Variants in RNF149 observed in about 807,000 individuals in gnomAD.
RNF149 encodes ring finger protein 149.
RNF149 carries 21 observed loss-of-function variants against 39.0 expected under a neutral mutation model. That is an observed-to-expected ratio of 0.54 (90% CI 0.38 to 0.77). The LOEUF (loss-of-function observed/expected upper bound fraction) is 0.77, where lower values mean the gene tolerates loss of function less well. Ranked by LOEUF, RNF149 falls within the 30% of genes least tolerant of loss-of-function variation. The probability of loss-of-function intolerance (pLI) is 0.00; values close to 1 mark genes in which losing one functional copy is unlikely to be tolerated. For missense variants in RNF149, 493 were observed against 534.9 expected (o/e 0.92, Z 0.77); for synonymous variants, 209 against 213.6 (o/e 0.98, Z 0.19).
At chr2:101,288,799 A>T in intron 4 of RNF149, 174 bp downstream of exon 4, 1 of 543,014 alleles carries the variant, frequency 1.8e-6, no homozygotes, top group Non-Finnish European at 3.3e-6. Context: ...TAGGCAAAGC[A>T]ATCTTAAAGG....
In RNF149 at chr2:101,276,710, CACATACACT is replaced by C; in HGVS notation, c.*519_*527del. ...AAGTGCTCTCAGGTTTTGAAATCTTCACATACACTACAGATGGGCAAAAAAGCTACAGAC... is the reference window on the plus strand; with the variant it reads ...AAGTGCTCTCAGGTTTTGAAATCTTCACAGATGGGCAAAAAAGCTACAGAC... On this transcript the variant is annotated 3_prime_UTR_variant, in exon 7 of 7. Coordinates refer to ENST00000295317, the MANE Select transcript of RNF149 (RefSeq NM_173647.4). The C allele has an allele frequency of 2.7e-5, 27 of 985,644 alleles. No homozygotes were observed. The highest frequency in any genetic ancestry group is 3.3e-5 in the Non-Finnish European group (27 of 830,152). The allele number at this position is 985,644 out of a possible 1,614,324, so 61.1% of individuals were successfully genotyped here.
Position 101,308,155 on chromosome 2 carries a change from T to C in RNF149, c.434A>G (p.Asn145Ser). The C allele has an allele frequency of 6.2e-7, 1 of 1,609,944 alleles. No homozygotes were observed. The highest frequency in any genetic ancestry group is 8.5e-7 in the Non-Finnish European group (1 of 1,179,194). Residue 145 changes from asparagine to serine, a missense_variant, in exon 1 of 7, where the codon AAC (asparagine) becomes AGC (serine). Asn to Ser is a conservative substitution (Grantham distance 46, BLOSUM62 1). Transcript: ENST00000295317. ...VVLYNEERYGNITLPMSHAGT... is the reference protein window; with the variant it reads ...VVLYNEERYGSITLPMSHAGT... ...CGCGTGAGACATGGGCAAGGTGATG[T>C]TCCCGTAGCGCTCCTCATTGTAGAG...
chr2:101,290,322 A>G (rs1284030225), intron 3 of RNF149, among the ~76,000 whole-genome samples: 1 of 152,244 alleles, frequency 6.6e-6, no homozygotes, highest in Non-Finnish European at 1.5e-5. Flanking sequence ...AAGTTTATCC[A>G]TTACTGTGAA....
chr2:101,275,122 T>TG (rs1682284983), downstream of RNF149, among the ~76,000 whole-genome samples: 1 of 123,736 alleles, frequency 8.1e-6, no homozygotes, highest in South Asian at 2.8e-4. Flanking sequence ...TTTTTTTTTT[T>TG]TTTTTTTTTT....
chr2:101,295,188 G>A lies in RNF149; in HGVS notation c.461-7C>T. ...ACCACTATATTTCCTGTTCCTGTAG[G>A]AAAGAACAAAGAAATCAATGTGAAG... On this transcript the variant is annotated splice_polypyrimidine_tract_variant and splice_region_variant and intron_variant, in intron 1 of 6. Coordinates refer to ENST00000295317, the MANE Select transcript of RNF149 (RefSeq NM_173647.4). The A allele has an allele frequency of 1.2e-6, 2 of 1,609,550 alleles. No individual in the cohort carries two copies. Among genetic ancestry groups the A allele is most frequent in the Non-Finnish European group, 1.7e-6 (2 of 1,176,592 alleles).
At chr2:101,293,952 A>G in intron 3 of RNF149, 62 bp downstream of exon 3, 1 of 929,060 alleles carries the variant, frequency 1.1e-6, no homozygotes. Context: ...TTTAAAATAA[A>G]CACGTACAGC....
At chr2:101,299,684 G>T (rs1683378000) in intron 1 of RNF149, among the ~76,000 whole-genome samples, 1 of 152,168 alleles carries the variant, frequency 6.6e-6, no homozygotes, top group South Asian at 2.1e-4. Flanking sequence ...ACTAAACTAT[G>T]CTATGATGAC....
downstream of RNF149, chr2:101,272,893 C>G (rs555412227): frequency 8.0e-7 from 1 of 1,252,798 alleles, no homozygotes; most frequent in Non-Finnish European, 1.1e-6. Flanking sequence ...CTTTGGGATG[C>G]CTTTCTTGAC....
intron 6 of RNF149, among the ~76,000 whole-genome samples, chr2:101,278,162 T>C (rs1465093914): frequency 1.3e-5 from 2 of 152,214 alleles, no homozygotes; most frequent in Non-Finnish European, 2.9e-5. Flanking sequence ...CTTTTCTTTT[T>C]TGATATAGGG....
At chr2:101,297,532 A>AT (rs996259233) in intron 1 of RNF149, among the ~76,000 whole-genome samples, 35 of 125,356 alleles carry the variant, frequency 2.8e-4, no homozygotes, top group East Asian at 5.5e-4. Flanking sequence ...AATTTTTTTC[A>AT]TTTTTTTTTA....
intron 4 of RNF149, 29 bp downstream of exon 4, chr2:101,288,944 T>C (rs769638697): frequency 8.6e-7 from 1 of 1,157,552 alleles, no homozygotes; most frequent in South Asian, 1.3e-5. Context: ...AAGTAATTTT[T>C]AACATCTCAA....
At chr2:101,297,425 T>C (rs750102753) in intron 1 of RNF149, among the ~76,000 whole-genome samples, 1 of 152,142 alleles carries the variant, frequency 6.6e-6, no homozygotes, top group Non-Finnish European at 1.5e-5. Context: ...GGTGGGATCC[T>C]AGCTCAATGA....
chr2:101,305,650 T>C (rs959371538), intron 1 of RNF149, among the ~76,000 whole-genome samples: 2 of 151,870 alleles, frequency 1.3e-5, no homozygotes, highest in African/African-American at 4.8e-5. Context: ...ATATCCTAAA[T>C]GCACAGGGCA....
intron 3 of RNF149, among the ~76,000 whole-genome samples, chr2:101,292,972 CTTT>C (rs34103366): frequency 1.5e-4 from 19 of 130,506 alleles, no homozygotes; most frequent in Admixed American, 2.3e-4. Context: ...GAGATGTGAT[CTTT>C]TTTTTTTTTT....
intron 1 of RNF149, among the ~76,000 whole-genome samples, chr2:101,298,683 A>G (rs1683333941): frequency 6.6e-6 from 1 of 152,058 alleles, no homozygotes. Context: ...ACAAAAAACA[A>G]CGAAAACCCA....
Position 101,282,015 on chromosome 2 carries a change from G to A in RNF149, c.1003C>T (p.Pro335Ser), listed in dbSNP as rs1682612066. 9 of 1,614,030 alleles carry A rather than the reference G, an allele frequency of 5.6e-6. No homozygotes were observed. The highest frequency in any genetic ancestry group is 2.2e-5 in the East Asian group (1 of 44,874). Residue 335 changes from proline (P) to serine (S), a missense_variant, in exon 6 of 7, where the codon CCT (proline) becomes TCT (serine). Transcript: ENST00000295317. Reference sequence around the variant, plus strand: ...TTTGCAGCTGGATCCCTTCCAGGAGGAGATTCTGGAGCAGGCATCTCCTGT... The same window carrying A: ...TTTGCAGCTGGATCCCTTCCAGGAGAAGATTCTGGAGCAGGCATCTCCTGT... ...DVQEMPAPES[P>S]PGRDPAANLS...
At chr2:101,281,459 T>C (rs1558778335) in intron 6 of RNF149, 1 of 162,128 alleles carries the variant, frequency 6.2e-6, no homozygotes, top group Non-Finnish European at 1.4e-5. Flanking sequence ...TGTATTTCTT[T>C]ATTTTCTTTC....
chr2:101,271,613 A>T (rs1008606166), downstream of RNF149: 1 of 152,102 alleles, frequency 6.6e-6, no homozygotes, highest in African/African-American at 2.4e-5. Context: ...AAAAAAAAAA[A>T]AAAAATTGAG....
intron 6 of RNF149, among the ~76,000 whole-genome samples, chr2:101,278,799 T>C (rs1373209490): frequency 6.6e-6 from 1 of 152,184 alleles, no homozygotes; most frequent in Non-Finnish European, 1.5e-5. Flanking sequence ...TACCTTTTGA[T>C]CAATCTCTCC....
Sources: allele counts gnomAD v4.1 joint callset (sites outside exome capture counted in the v4.1 genomes callset), GRCh38; gene constraint gnomAD v4.1.1; transcripts MANE v1.5; gene names NCBI Gene and HGNC (gene_info 2026-07-23, HGNC 2026-07-21).